The following CRADD variants were observed in gnomAD, a reference collection of about 807,000 sequenced individuals.
CRADD encodes CARD and death domain containing adaptor protein.
In CRADD, 9 loss-of-function variants were observed where a neutral mutation model predicts 15.5. That is an observed-to-expected ratio of 0.58 (90% CI 0.35 to 1.01). The LOEUF (loss-of-function observed/expected upper bound fraction) is 1.01. Among genes scored for constraint, CRADD ranks in the 50% least tolerant of loss-of-function variants. The probability of loss-of-function intolerance (pLI) is 0.02; values close to 1 mark genes in which losing one functional copy is unlikely to be tolerated. For missense variants in CRADD, 227 were observed against 250.3 expected (o/e 0.91, Z 0.63); for synonymous variants, 118 against 107.6 (o/e 1.10, Z -0.60).
chr12:93,716,272 T>C (rs1205560625), intron 2 of CRADD, among the ~76,000 whole-genome samples: 2 of 152,194 alleles, frequency 1.3e-5, no homozygotes, highest in Non-Finnish European at 2.9e-5. Flanking sequence ...GTATGAAGAA[T>C]TGCTATATAC....
intron 2 of CRADD, among the ~76,000 whole-genome samples, chr12:93,725,755 T>C (rs1046061666): frequency 1.1e-4 from 17 of 152,202 alleles, no homozygotes; most frequent in African/African-American, 3.4e-4. Context: ...TATTTTACCA[T>C]TTAGCATGTA....
At chr12:93,759,944 A>T (rs755937243) in intron 2 of CRADD, among the ~76,000 whole-genome samples, 1 of 152,148 alleles carries the variant, frequency 6.6e-6, no homozygotes, top group Non-Finnish European at 1.5e-5. Context: ...AGTTACTCCC[A>T]TCTGATGGTG....
At chr12:93,855,736 G>A (rs1354067541), downstream of CRADD, among the ~76,000 whole-genome samples, 1 of 152,208 alleles carries the variant, frequency 6.6e-6, no homozygotes, top group Non-Finnish European at 1.5e-5. Flanking sequence ...TGAGATGAAA[G>A]GTATAACATG....
In CRADD at chr12:93,887,149, A is replaced by G. The variant is rs368577562; in HGVS notation, c.299-6901A>G. On this transcript the variant is annotated intron_variant, in intron 2 of 2. Transcript: ENST00000548483. ...TTGTCTCTTTTGAAAATGAGAGAAA[A>G]TCTGTGGGGAAATATGAGAATTACA... Among the ~76,000 whole-genome samples, 17 of 152,292 alleles carry G rather than the reference A, an allele frequency of 1.1e-4. 3 individuals are homozygous for G. Among genetic ancestry groups the G allele is most frequent in the East Asian group, 3.9e-4 (2 of 5,186 alleles).
intron 2 of CRADD, among the ~76,000 whole-genome samples, chr12:93,790,406 A>G (rs896459156): frequency 4.6e-5 from 7 of 152,056 alleles, no homozygotes; most frequent in Admixed American, 3.9e-4. Flanking sequence ...GCACATGTAT[A>G]CATATGTAAC....
intron 2 of CRADD, among the ~76,000 whole-genome samples, chr12:93,836,989 G>C (rs371865378): frequency 2.6e-5 from 4 of 152,188 alleles, no homozygotes; most frequent in African/African-American, 9.6e-5. Context: ...TTGCAGTTTG[G>C]AATAGGGCAG....
intron 2 of CRADD, among the ~76,000 whole-genome samples, chr12:93,888,241 C>T (rs886163105): frequency 2.4e-4 from 37 of 152,056 alleles, no homozygotes; most frequent in African/African-American, 8.7e-4. Context: ...ATAGCTAACA[C>T]GGTGAAACCC....
chr12:93,868,052 T>C (rs148144752), intron 2 of CRADD, among the ~76,000 whole-genome samples: 285 of 152,318 alleles, frequency 1.9e-3, no homozygotes, highest in African/African-American at 6.4e-3. Context: ...AAATAGGCAA[T>C]TTAATTTACT....
At chr12:93,786,022 G>A (rs79865230) in intron 2 of CRADD, among the ~76,000 whole-genome samples, 4,862 of 152,218 alleles carry the variant, frequency 0.032, 248 homozygotes, top group African/African-American at 0.11. Flanking sequence ...GAGGCAGCAG[G>A]GAATAGCAAA....
rs184115023 is a variant in CRADD at position 93,795,063 on chromosome 12, T to A, written c.299-54907T>A. On this transcript the variant is annotated intron_variant, in intron 2 of 2. Transcript: ENST00000332896. ...TATCTCATAGCCCATTTTATTTTAA[T>A]TTATGTAAAGCATTTGTGTTTATGT... is the stretch of plus-strand genomic sequence containing the variant. Among the ~76,000 whole-genome samples, 10 of 152,318 alleles carry A rather than the reference T, an allele frequency of 6.6e-5. No individual in the cohort carries two copies. The East Asian group carries it at 1.9e-3, about 29-fold the overall frequency.
At chr12:93,700,113 G>A (rs1353396243) in intron 2 of CRADD, among the ~76,000 whole-genome samples, 1 of 152,186 alleles carries the variant, frequency 6.6e-6, no homozygotes, top group Non-Finnish European at 1.5e-5. Context: ...TGACATCTCA[G>A]GATGCCTTGC....
intron 2 of CRADD, among the ~76,000 whole-genome samples, chr12:93,693,827 T>C (rs550627007): frequency 6.6e-6 from 1 of 152,182 alleles, no homozygotes; most frequent in African/African-American, 2.4e-5. Context: ...TATAAGGATA[T>C]TGAGTCAGTA....
chr12:93,704,116 T>C (rs889796997), intron 2 of CRADD, among the ~76,000 whole-genome samples: 6 of 151,064 alleles, frequency 4.0e-5, no homozygotes, highest in African/African-American at 1.5e-4. Context: ...CCACCACACC[T>C]GGCCTATTTG....
At position 93,850,611 on chromosome 12, in the gene CRADD, C is replaced by A; in HGVS notation, c.*340C>A. 1.1e-6 allele frequency: 1 copy of A among 913,748 alleles called. No homozygotes were observed. The highest frequency in any genetic ancestry group is 1.3e-6 in the Non-Finnish European group (1 of 762,726). 56.6% of individuals were successfully genotyped at this position (913,748 alleles called of 1,614,324 possible). On this transcript the variant is annotated 3_prime_UTR_variant, in exon 3 of 3. Coordinates refer to ENST00000332896, the MANE Select transcript of CRADD (RefSeq NM_003805.5). The surrounding 1 kb of genome is among the most constrained non-coding windows in gnomAD (Gnocchi z 4.0). ...TATATATATATCCATATATATATCT[C>A]ATGTCATCACATTACAGGCAGGTGT...
chr12:93,706,161 A>G (rs1955947206), intron 2 of CRADD, among the ~76,000 whole-genome samples: 1 of 152,240 alleles, frequency 6.6e-6, no homozygotes, highest in African/African-American at 2.4e-5. Context: ...TTTTGAAGCA[A>G]ATATGTACTT....
At chr12:93,711,104 C>T (rs1294109269) in intron 2 of CRADD, among the ~76,000 whole-genome samples, 3 of 111,400 alleles carry the variant, frequency 2.7e-5, no homozygotes, top group Middle Eastern at 7.0e-3. Context: ...TTGTGTTGTA[C>T]ATGTTCCTCT....
intron 2 of CRADD, among the ~76,000 whole-genome samples, chr12:93,689,960 A>C (rs1955529308): frequency 6.6e-6 from 1 of 152,232 alleles, no homozygotes; most frequent in Admixed American, 6.5e-5. Flanking sequence ...CAAGTCTAAC[A>C]GCATGCATAT....
chr12:93,752,395 T>TTA (rs1023992050), intron 2 of CRADD, among the ~76,000 whole-genome samples: 8 of 152,224 alleles, frequency 5.3e-5, no homozygotes, highest in Non-Finnish European at 8.8e-5. Flanking sequence ...GGAATTTTAA[T>TTA]ATGTTGTTTT....
chr12:93,731,606 C>T (rs1455900605), intron 2 of CRADD, among the ~76,000 whole-genome samples: 1 of 152,184 alleles, frequency 6.6e-6, no homozygotes, highest in Non-Finnish European at 1.5e-5. Flanking sequence ...CCTCTTTGCC[C>T]AATCAGTAGA....
Sources: allele counts gnomAD v4.1 joint callset (sites outside exome capture counted in the v4.1 genomes callset), GRCh38; gene constraint gnomAD v4.1.1; non-coding constraint Gnocchi (gnomAD v3.1); transcripts MANE v1.5; gene names NCBI Gene and HGNC (gene_info 2026-07-23, HGNC 2026-07-21).